Variants in RAB2A observed in about 807,000 individuals in gnomAD.
RAB2A encodes the protein ras-related protein Rab-2A.
A neutral mutation model predicts 32.5 loss-of-function variants in RAB2A; 7 were observed. The ratio of observed to expected loss-of-function variants is 0.22; its 90% confidence interval spans 0.12 to 0.40. The LOEUF (loss-of-function observed/expected upper bound fraction) is 0.40, where lower values mean the gene tolerates loss of function less well. RAB2A is among the 10% of genes least tolerant of loss of function. The probability of loss-of-function intolerance (pLI) is 1.00; values close to 1 mark genes in which losing one functional copy is unlikely to be tolerated. For missense variants in RAB2A, 108 were observed against 260.7 expected, an observed-to-expected ratio of 0.41 and a Z score of 4.03; for synonymous variants, 79 against 85.2, an observed-to-expected ratio of 0.93 and a Z score of 0.40.
chr8:60,569,161 CAT>C (rs1382710529), intron 2 of RAB2A, among the ~76,000 whole-genome samples: 1 of 152,148 alleles, frequency 6.6e-6, no homozygotes, highest in Non-Finnish European at 1.5e-5. Context: ...AAACAGAAAT[CAT>C]AGTTTTTCAG....
At chr8:60,522,671 G>A (rs546226952) in intron 1 of RAB2A, among the ~76,000 whole-genome samples, 3 of 152,232 alleles carry the variant, frequency 2.0e-5, no homozygotes, top group Admixed American at 2.0e-4. Flanking sequence ...AGAGACTTGA[G>A]GTTGAAAGGT....
chr8:60,576,204 A>T, intron 3 of RAB2A: 1 of 456,300 alleles, frequency 2.2e-6, no homozygotes, highest in Non-Finnish European at 4.4e-6. Context: ...TAAAAGCCAA[A>T]GCCAAACTGT....
chr8:60,547,759 C>T (rs1402096374), intron 1 of RAB2A, among the ~76,000 whole-genome samples: 10 of 128,086 alleles, frequency 7.8e-5, no homozygotes. Context: ...AGTGGCTCCT[C>T]ACTTCCCAGC....
At chr8:60,586,067 C>T (rs1803841110) in intron 5 of RAB2A, among the ~76,000 whole-genome samples, 2 of 151,766 alleles carry the variant, frequency 1.3e-5, no homozygotes, top group African/African-American at 2.4e-5. Context: ...TTGGGAGGCC[C>T]AGGTGGAGGA....
In RAB2A at chr8:60,547,151, G is replaced by A. The variant is rs186151697; in HGVS notation, c.47-11701G>A. The stretch of plus-strand genomic sequence containing the variant: ...TGTTTAACAAAGCACATCTTGCACC[G>A]CCCTTAATCCATTCAACCCTGAGTG... On this transcript the variant is annotated intron_variant, in intron 1 of 7. Coordinates refer to ENST00000262646, the MANE Select transcript of RAB2A (RefSeq NM_002865.3). 5.2e-3 allele frequency among the ~76,000 whole-genome samples: 786 copies of A among 151,622 alleles called. 5 individuals carry two copies. Among genetic ancestry groups the A allele is most frequent in the Middle Eastern group, 0.051 (15 of 292 alleles).
chr8:60,577,792 A>ATTTTTTTTTTT (rs3055112), intron 3 of RAB2A, among the ~76,000 whole-genome samples: 2,330 of 112,472 alleles, frequency 0.021, 1 homozygote, highest in African/African-American at 0.024. Flanking sequence ...CGCCCGGCTA[A>ATTTTTTTTTTT]TTTTTTTTTT....
intron 6 of RAB2A, among the ~76,000 whole-genome samples, chr8:60,606,481 A>AC (rs1027277222): frequency 3.9e-4 from 59 of 152,296 alleles, no homozygotes; most frequent in African/African-American, 1.4e-3. Context: ...CCTATCTTGA[A>AC]CTAGGATCTT....
At chr8:60,562,763 C>T (rs1295621555) in intron 2 of RAB2A, among the ~76,000 whole-genome samples, 1 of 151,874 alleles carries the variant, frequency 6.6e-6, no homozygotes, top group African/African-American at 2.4e-5. Flanking sequence ...TACTGAAAAC[C>T]ATTTTTTAAA....
chr8:60,571,409 A>G (rs904737420), intron 2 of RAB2A, among the ~76,000 whole-genome samples: 9 of 152,202 alleles, frequency 5.9e-5, no homozygotes, highest in African/African-American at 2.2e-4. Context: ...ATGTTTATTG[A>G]TTTGCCAGGA....
chr8:60,610,643 C>T (rs1002084664), intron 6 of RAB2A, among the ~76,000 whole-genome samples: 5 of 152,176 alleles, frequency 3.3e-5, no homozygotes, highest in Non-Finnish European at 5.9e-5. Context: ...TTTTGGTAGA[C>T]TTGGCTGACT....
At position 60,584,786 on chromosome 8, in the gene RAB2A, C is replaced by T; in HGVS notation, c.333C>T (p.Asn111=). The T allele has an allele frequency of 1.9e-6, 3 of 1,613,488 alleles. No homozygotes were observed. Among genetic ancestry groups the T allele is most frequent in the African/African-American group, 1.3e-5 (1 of 75,002 alleles). ...ATGCCCGCCAGCATTCCAATTCCAA[C>T]ATGGTCATTATGCTTATTGGAAATA... ...LEDARQHSNS[N]MVIMLIGNKS... The change falls in exon 5 of 8, where the codon AAC becomes AAT. Residue 111 remains asparagine (N), a synonymous_variant. Transcript: ENST00000262646.
At chr8:60,556,923 A>T (rs973711506) in intron 1 of RAB2A, among the ~76,000 whole-genome samples, 1 of 152,136 alleles carries the variant, frequency 6.6e-6, no homozygotes, top group African/African-American at 2.4e-5. Context: ...AAAATTGGGG[A>T]TGTTAAATAA....
intron 6 of RAB2A, among the ~76,000 whole-genome samples, chr8:60,599,060 CA>C (rs1035575404): frequency 2.1e-5 from 3 of 142,642 alleles, no homozygotes; most frequent in African/African-American, 7.8e-5. Context: ...GGATTTGCAA[CA>C]AAAAAAAGTG....
chr8:60,563,705 T>A (rs2130833955), intron 2 of RAB2A, among the ~76,000 whole-genome samples: 1 of 152,352 alleles, frequency 6.6e-6, no homozygotes, highest in Non-Finnish European at 1.5e-5. Flanking sequence ...TATTTGACTT[T>A]GTATCCCATC....
intron 2 of RAB2A, among the ~76,000 whole-genome samples, chr8:60,563,023 A>G (rs1436128397): frequency 6.6e-6 from 1 of 151,946 alleles, no homozygotes; most frequent in African/African-American, 2.4e-5. Context: ...ATAAAAAAAA[A>G]ATAGCAGATT....
chr8:60,574,619 G>GT lies in RAB2A; in HGVS notation c.186+2512dup, dbSNP rs199559571. 5.4e-3 allele frequency among the ~76,000 whole-genome samples: 821 copies of GT among 152,174 alleles called. 7 individuals are homozygous for GT. Among genetic ancestry groups the GT allele is most frequent in the African/African-American group, 0.019 (776 of 41,520 alleles). On this transcript the variant is annotated intron_variant, in intron 3 of 7. Transcript: ENST00000262646. ...TAAAGTAGTCCCTTAAATAATCTTTGTTTTTTGAAACTTGAGTAAGCCATT... is the reference window on the plus strand; with the variant it reads ...TAAAGTAGTCCCTTAAATAATCTTTGTTTTTTTGAAACTTGAGTAAGCCATT...
At chr8:60,601,502 T>C (rs1377605879) in intron 6 of RAB2A, among the ~76,000 whole-genome samples, 1 of 152,226 alleles carries the variant, frequency 6.6e-6, no homozygotes, top group Non-Finnish European at 1.5e-5. Flanking sequence ...CACGCCTGGC[T>C]AATTTTTGTA....
intron 1 of RAB2A, among the ~76,000 whole-genome samples, chr8:60,535,732 T>C (rs987674718): frequency 1.3e-5 from 2 of 152,210 alleles, no homozygotes; most frequent in East Asian, 3.8e-4. Flanking sequence ...CACAGCCAAA[T>C]TGCTGTTATC....
At chr8:60,596,536 T>C (rs1804031800) in intron 6 of RAB2A, among the ~76,000 whole-genome samples, 1 of 152,034 alleles carries the variant, frequency 6.6e-6, no homozygotes. Context: ...CCAACAAACA[T>C]ATGAAAACTC....
Sources: allele counts gnomAD v4.1 joint callset (sites outside exome capture counted in the v4.1 genomes callset), GRCh38; gene constraint gnomAD v4.1.1; transcripts MANE v1.5; gene names NCBI Gene and HGNC (gene_info 2026-07-23, HGNC 2026-07-21).